The following TEP1 variants were observed in gnomAD, a reference collection of about 807,000 sequenced individuals.
The protein encoded by TEP1 is telomerase protein component 1.
A neutral mutation model predicts 306.3 loss-of-function variants in TEP1; 241 were observed. The observed-to-expected ratio is 0.79, with a 90% CI of 0.71 to 0.88. TEP1 has a LOEUF of 0.88. Ranked by LOEUF, TEP1 falls within the 40% of genes least tolerant of loss-of-function variation. The pLI is 0.00. For synonymous variants in TEP1, 1,289 were observed against 1,305.5 expected, an observed-to-expected ratio of 0.99 and a Z score of 0.27; for missense variants, 3,051 against 3,276.1, an observed-to-expected ratio of 0.93 and a Z score of 1.68.
intron 44 of TEP1, 25 bp downstream of exon 44, chr14:20,374,404 A>G (rs1170612302): frequency 1.3e-6 from 2 of 1,558,482 alleles, no homozygotes; most frequent in Admixed American, 1.7e-5. Context: ...GAGACCCCCC[A>G]GTGGGATCTC....
chr14:20,384,531 C>T (rs1271908913), intron 22 of TEP1, 23 bp from the exon 23 acceptor site: 1 of 1,614,024 alleles, frequency 6.2e-7, no homozygotes, highest in South Asian at 1.1e-5. Flanking sequence ...CAAGCACAAC[C>T]AGGTCAGAGC....
chr14:20,384,635 G>A lies in TEP1; in HGVS notation c.3186C>T (p.Ser1062=). The change falls in exon 22 of 55, where the codon AGC becomes AGT. Residue 1062 remains serine, a synonymous_variant. Transcript: ENST00000262715. ...TGATCCCTTTCTGTCTGCTTAGGTA[G>A]CTCTTCAGTTCTGAGATCCGACGTG... The part of the protein sequence containing the change: ...EAARRISELK[S]YLSRQKGITC... The A allele has an allele frequency of 3.1e-6, 5 of 1,614,014 alleles. No homozygotes were observed. The highest frequency in any genetic ancestry group is 4.2e-6 in the Non-Finnish European group (5 of 1,180,016).
intron 1 of TEP1, among the ~76,000 whole-genome samples, chr14:20,410,998 T>C (rs1879647534): frequency 6.6e-6 from 1 of 151,798 alleles, no homozygotes; most frequent in Non-Finnish European, 1.5e-5. Context: ...ATTTTTGTAT[T>C]TGTAGTAGAG....
chr14:20,375,746 T>C lies in TEP1; in HGVS notation c.6363+9A>G. On this transcript the variant is annotated intron_variant, in intron 43 of 54. Transcript: ENST00000262715. ...CTGGGCTCTGTGCCACCCCTGGCCC[T>C]TTACTCACCAGTAGGTTATCTTTGG... 6.2e-7 allele frequency: 1 copy of C among 1,605,806 alleles called. No homozygotes were observed. The highest frequency in any genetic ancestry group is 8.5e-7 in the Non-Finnish European group (1 of 1,173,368).
rs140689511 is a variant in TEP1 at position 20,391,034 on chromosome 14, G to A, written c.2160C>T (p.Asp720=). Residue 720 remains aspartate (D), a synonymous_variant, in exon 14 of 55, where the codon GAC becomes GAT. Transcript: ENST00000262715. Reference sequence around the variant, plus strand: ...GAGTGTCACCTCCACACAGCACGACGTCCACCTGCTCCGCCCTCGTGATCA... The same window carrying A: ...GAGTGTCACCTCCACACAGCACGACATCCACCTGCTCCGCCCTCGTGATCA... The part of the protein sequence containing the change: ...GMMITRAEQV[D]VVLCGGDTLK... 3.5e-5 allele frequency: 56 copies of A among 1,613,992 alleles called. 1 individual carries two copies. Among genetic ancestry groups the A allele is most frequent in the South Asian group, 1.5e-4 (14 of 91,086 alleles).
Position 20,384,135 on chromosome 14 carries a change from G to C in TEP1, c.3437C>G (p.Pro1146Arg), listed in dbSNP as rs144650901. 42 of 1,614,024 alleles carry C rather than the reference G, an allele frequency of 2.6e-5. No individual in the cohort carries two copies. Among genetic ancestry groups the C allele is most frequent in the Middle Eastern group, 3.3e-4 (2 of 6,084 alleles). The change falls in exon 24 of 55, where the codon CCA becomes CGA. Residue 1146 changes from proline (P) to arginine (R), a missense_variant. Physicochemically the swap from Pro to Arg is moderately radical, Grantham distance 103. This residue lies in a region of TEP1 where 1,507 missense variants were observed against 1,550.5 expected (regional missense o/e 0.97). Coordinates refer to ENST00000262715, the MANE Select transcript of TEP1 (RefSeq NM_007110.5). ...QLQKPPSPAR[P>R]RLLQDTVQRL... ...TTGCACTGTGTCCTGAAGAAGGCGT[G>C]GCCGGGCAGGACTCGGTGGCTTCTG... is the stretch of plus-strand genomic sequence containing the variant.
rs368087056 is a variant in TEP1, at chr14:20,407,574, C to G, written c.567+299G>C. On this transcript the variant is annotated intron_variant, in intron 2 of 54. Transcript: ENST00000262715. ...CAGGCTGGTCTCGAACTCCTGGACT[C>G]AAGTGATCCGCCCGCCTTGGCCTCC... Among the ~76,000 whole-genome samples the G allele has an allele frequency of 3.1e-4, 47 of 152,340 alleles. 1 individual carries two copies. The South Asian group carries it at 8.7e-3, about 28-fold the overall frequency.
In TEP1 at chr14:20,373,313, A is replaced by G. The variant is rs1316603071; in HGVS notation, c.6771T>C (p.Ser2257=). The change falls in exon 47 of 55, where the codon TCT becomes TCC. Residue 2257 remains serine, a synonymous_variant. Transcript: ENST00000262715. ...GCCAGAGCCGTACAGAACCATCCTC[A>G]GAGGCGGTCAGCATGAGGCCTGAGG... ...SETSGLMLTA[S]EDGSVRLWQV... 1 of 1,614,166 alleles carries G rather than the reference A, an allele frequency of 6.2e-7. No individual in the cohort carries two copies. The highest frequency in any genetic ancestry group is 8.5e-7 in the Non-Finnish European group (1 of 1,180,034).
At position 20,391,709 on chromosome 14, in the gene TEP1, C is replaced by T. The variant is rs1242075503; in HGVS notation, c.1987G>A (p.Val663Met). ...AGGCTGTGCTTCACAGAGAGGTTCA[C>T]AGCTGTCTCTAGGGCCTGTCGGTAC... The part of the protein sequence containing the change: ...NRYRQALETA[V>M]NLSVKHSLPL... Residue 663 changes from valine to methionine, a missense_variant, in exon 13 of 55, where the codon GTG becomes ATG. This residue lies in a region of TEP1 where 1,507 missense variants were observed against 1,550.5 expected (regional missense o/e 0.97). Transcript: ENST00000262715. The T allele has an allele frequency of 3.1e-6, 5 of 1,614,232 alleles. No individual in the cohort carries two copies. Among genetic ancestry groups the T allele is most frequent in the Non-Finnish European group, 4.2e-6 (5 of 1,180,034 alleles).
chr14:20,391,752 A>G lies in TEP1; in HGVS notation c.1944T>C (p.Asp648=). 6.2e-7 allele frequency: 1 copy of G among 1,614,134 alleles called. No individual in the cohort carries two copies. Among genetic ancestry groups the G allele is most frequent in the Middle Eastern group, 1.7e-4 (1 of 6,058 alleles). The part of the protein sequence containing the change: ...RVHKARQWKY[D]GEMLNRYRQA... ...GTCGGTACCTGTTCAGCATCTCACC[A>G]TCATATTTCCACTGTCTACATGCAA... The change falls in exon 13 of 55, where the codon GAT becomes GAC. Residue 648 remains aspartate, a synonymous_variant. Transcript: ENST00000262715.
At chr14:20,375,918 G>A in intron 42 of TEP1, 50 bp from the exon 43 acceptor site, 1 of 1,529,826 alleles carries the variant, frequency 6.5e-7, no homozygotes, top group Non-Finnish European at 9.0e-7. Flanking sequence ...GGAAGGATGG[G>A]AACCCCGGAG....
intron 36 of TEP1, 40 bp downstream of exon 36, chr14:20,378,941 G>A: frequency 6.2e-7 from 1 of 1,613,990 alleles, no homozygotes; most frequent in Non-Finnish European, 8.5e-7. Context: ...AAAAAATGGG[G>A]AAGGCCCTCA....
In TEP1 at chr14:20,403,849, G is replaced by A; in HGVS notation, c.1068C>T (p.Pro356=). ...TGGCAGTACGGAGACAGGCGGGCAG[G>A]GGCACCAGCTTATTCTTATCTCCCT... The part of the protein sequence containing the change: ...LAEGDKNKLV[P]LPACLRTAMT... Residue 356 remains proline, a synonymous_variant, in exon 6 of 55, where the codon CCC becomes CCT. Coordinates refer to ENST00000262715, the MANE Select transcript of TEP1 (RefSeq NM_007110.5). 1.9e-6 allele frequency: 3 copies of A among 1,614,078 alleles called. No homozygotes were observed. The highest frequency in any genetic ancestry group is 2.2e-5 in the South Asian group (2 of 91,076).
At chr14:20,395,137 A>G (rs564608044) in intron 12 of TEP1, among the ~76,000 whole-genome samples, 1 of 152,358 alleles carries the variant, frequency 6.6e-6, no homozygotes, top group East Asian at 1.9e-4. Context: ...CATGAATCAG[A>G]GCAGAAGCAG....
intron 23 of TEP1, 56 bp from the exon 24 acceptor site, chr14:20,384,288 G>A: frequency 6.2e-7 from 1 of 1,608,714 alleles, no homozygotes; most frequent in Non-Finnish European, 8.5e-7. Flanking sequence ...AGCACTCCCA[G>A]GCTAAAACTC....
Position 20,365,742 on chromosome 14 carries a change from T to C in TEP1, c.*2695A>G, listed in dbSNP as rs1211043104. 6.6e-6 allele frequency: 1 copy of C among 152,264 alleles called. No individual in the cohort carries two copies. Among genetic ancestry groups the C allele is most frequent in the Non-Finnish European group, 1.5e-5 (1 of 68,046 alleles). 9.4% of individuals were successfully genotyped at this position (152,264 alleles called of 1,614,324 possible). On this transcript the variant is annotated 3_prime_UTR_variant, in exon 55 of 55. Transcript: ENST00000262715. Reference sequence around the variant, plus strand: ...TCCTACACAGTTTCTAAATGGTTACTCTCAACTTCCGTACTTATCTCATTA... The same window carrying C: ...TCCTACACAGTTTCTAAATGGTTACCCTCAACTTCCGTACTTATCTCATTA...
chr14:20,369,982 C>T (rs562476801), intron 51 of TEP1, among the ~76,000 whole-genome samples: 16 of 151,046 alleles, frequency 1.1e-4, no homozygotes, highest in Admixed American at 3.3e-4. Flanking sequence ...GGCGTGATCT[C>T]GGTTCACTGC....
chr14:20,372,999 A>G lies in TEP1; in HGVS notation c.6951+12T>C, dbSNP rs1295526270. The G allele has an allele frequency of 1.9e-6, 3 of 1,614,082 alleles. No individual in the cohort carries two copies. Among genetic ancestry groups the G allele is most frequent in the Non-Finnish European group, 1.7e-6 (2 of 1,180,036 alleles). ...TTCACACAGACAAAGAACCAAGGGT[A>G]CACCGACTCACCTGTGCTGTGGCCA... On this transcript the variant is annotated intron_variant, in intron 48 of 54. Coordinates refer to ENST00000262715, the MANE Select transcript of TEP1 (RefSeq NM_007110.5).
intron 1 of TEP1, among the ~76,000 whole-genome samples, chr14:20,411,123 T>A (rs1879657016): frequency 6.6e-6 from 1 of 152,092 alleles, no homozygotes; most frequent in Non-Finnish European, 1.5e-5. Context: ...CCCAGCCTAA[T>A]TGTTTCTCTT....
Sources: gnomAD v4.1 joint callset for allele counts (sites outside exome capture counted in the v4.1 genomes callset) on GRCh38, gnomAD v4.1.1 for gene constraint, gnomAD v4.1.1 regional missense constraint, MANE v1.5 for transcripts, NCBI Gene and HGNC (gene_info 2026-07-23, HGNC 2026-07-21) for gene names.